The following GTF2B variants were observed in gnomAD, a reference collection of about 807,000 sequenced individuals.
GTF2B encodes the protein general transcription factor IIB.
GTF2B carries 20 observed loss-of-function variants against 34.6 expected under a neutral mutation model. The ratio of observed to expected loss-of-function variants is 0.58; its 90% confidence interval spans 0.41 to 0.84. The LOEUF is 0.84. GTF2B is among the 40% of genes least tolerant of loss of function. The probability of loss-of-function intolerance (pLI) is 0.00; values close to 1 mark genes in which losing one functional copy is unlikely to be tolerated. For missense variants in GTF2B, 237 were observed against 393.3 expected (o/e 0.60, Z 3.36); for synonymous variants, 142 against 132.4 (o/e 1.07, Z -0.50).
At chr1:88,871,659 A>C (rs1439705737) in intron 2 of GTF2B, among the ~76,000 whole-genome samples, 1 of 152,244 alleles carries the variant, frequency 6.6e-6, no homozygotes, top group African/African-American at 2.4e-5. Context: ...CCAAGTGACA[A>C]TTAACAAAGA....
rs377030804 is a variant in GTF2B at position 88,856,272 on chromosome 1, C to CAAAAAAAAAAAAAAAAAAAAAA, written c.817+933_817+934insTTTTTTTTTTTTTTTTTTTTTT. ...CAACAGAGGGAGACTGTTTCAAAAA[C>CAAAAAAAAAAAAAAAAAAAAAA]AAAAAAAAAAAAAAAAAACAAAAAA... On this transcript the variant is annotated intron_variant, in intron 6 of 6. Coordinates refer to ENST00000370500, the MANE Select transcript of GTF2B (RefSeq NM_001514.6). Among the ~76,000 whole-genome samples the CAAAAAAAAAAAAAAAAAAAAAA allele has an allele frequency of 4.0e-5, 2 of 50,040 alleles. 1 individual carries two copies. The highest frequency in any genetic ancestry group is 6.7e-5 in the Non-Finnish European group (2 of 29,822). The allele number at this position is 50,040 out of a possible 152,430, so 32.8% of individuals were successfully genotyped here.
At position 88,853,694 on chromosome 1, in the gene GTF2B, C is replaced by T. The variant is rs191400454; in HGVS notation, c.818-348G>A. Among the ~76,000 whole-genome samples, 390 of 152,240 alleles carry T rather than the reference C, an allele frequency of 2.6e-3. 2 individuals are homozygous for T. The highest frequency in any genetic ancestry group is 9.1e-3 in the African/African-American group (377 of 41,540). ...TGGCATGCGCCTGTAGTCCCAGCTACTCAGGAGGCTGAGGCAGGAGAATCG... is the reference window on the plus strand; with the variant it reads ...TGGCATGCGCCTGTAGTCCCAGCTATTCAGGAGGCTGAGGCAGGAGAATCG... On this transcript the variant is annotated intron_variant, in intron 6 of 6. Coordinates refer to ENST00000370500, the MANE Select transcript of GTF2B (RefSeq NM_001514.6).
chr1:88,863,876 C>A (rs1673494096), intron 3 of GTF2B, 105 bp downstream of exon 3: 4 of 939,382 alleles, frequency 4.3e-6, no homozygotes, highest in South Asian at 3.0e-5. Context: ...TTAGACAGGT[C>A]AAGATTCCCC....
intron 2 of GTF2B, among the ~76,000 whole-genome samples, chr1:88,886,455 T>G (rs1674070350): frequency 6.6e-6 from 1 of 152,246 alleles, no homozygotes. Context: ...AAACTTTAAG[T>G]GTTATTTTTG....
intron 6 of GTF2B, among the ~76,000 whole-genome samples, chr1:88,856,130 C>T (rs993631969): frequency 1.2e-4 from 18 of 151,682 alleles, no homozygotes; most frequent in Middle Eastern, 3.2e-3. Context: ...ATTAGCTGGG[C>T]GTGGTGGCAC....
intron 1 of GTF2B, among the ~76,000 whole-genome samples, chr1:88,889,739 C>T (rs1268426988): frequency 6.6e-6 from 1 of 152,176 alleles, no homozygotes; most frequent in Non-Finnish European, 1.5e-5. Context: ...TATATTTAGG[C>T]TGGGCGCAGT....
chr1:88,882,821 TCTC>T (rs1393405886), intron 2 of GTF2B, among the ~76,000 whole-genome samples: 1 of 152,216 alleles, frequency 6.6e-6, no homozygotes, highest in East Asian at 1.9e-4. Context: ...ATTACATTCT[TCTC>T]CTGATAATGG....
chr1:88,885,451 C>A (rs1256658828), intron 2 of GTF2B, among the ~76,000 whole-genome samples: 3 of 138,852 alleles, frequency 2.2e-5, no homozygotes, highest in East Asian at 2.1e-4. Flanking sequence ...AACTCTGTAT[C>A]AAAAAAAAAA....
chr1:88,868,532 T>A (rs1570725306), intron 2 of GTF2B, among the ~76,000 whole-genome samples: 3 of 152,240 alleles, frequency 2.0e-5, no homozygotes, highest in Admixed American at 2.0e-4. Flanking sequence ...AATCCATATA[T>A]TAGAGTGGTG....
intron 6 of GTF2B, among the ~76,000 whole-genome samples, chr1:88,855,712 T>G (rs1157065584): frequency 6.6e-6 from 1 of 152,108 alleles, no homozygotes; most frequent in Non-Finnish European, 1.5e-5. Context: ...TGGAGGGCAG[T>G]GGCATGATCT....
chr1:88,882,021 A>G (rs867244228), intron 2 of GTF2B, among the ~76,000 whole-genome samples: 8 of 152,096 alleles, frequency 5.3e-5, no homozygotes, highest in Non-Finnish European at 8.8e-5. Context: ...TACATTATTT[A>G]AAAATGGGCC....
In GTF2B at chr1:88,857,237, T is replaced by C; in HGVS notation, c.786A>G (p.Ser262=). Residue 262 remains serine (S), a synonymous_variant, in exon 6 of 7, where the codon TCA becomes TCG. Coordinates refer to ENST00000370500, the MANE Select transcript of GTF2B (RefSeq NM_001514.6). ...GGGTCCTCTTTTCAGCTGATGCCTG[T>C]GAGGCCATGTAAATAGCTGCCGCTG... is the stretch of plus-strand genomic sequence containing the variant. The part of the protein sequence containing the change: ...SVAAAAIYMA[S]QASAEKRTQK... The C allele has an allele frequency of 1.2e-6, 2 of 1,614,024 alleles. No homozygotes were observed. Among genetic ancestry groups the C allele is most frequent in the Non-Finnish European group, 1.7e-6 (2 of 1,179,950 alleles).
chr1:88,866,397 A>C (rs1288435715), intron 2 of GTF2B, among the ~76,000 whole-genome samples: 1 of 152,112 alleles, frequency 6.6e-6, no homozygotes, highest in African/African-American at 2.4e-5. Flanking sequence ...AGCCTCTGAC[A>C]AAATTTTTCT....
chr1:88,871,053 C>T (rs566931159), intron 2 of GTF2B, among the ~76,000 whole-genome samples: 2 of 152,162 alleles, frequency 1.3e-5, no homozygotes, highest in African/African-American at 4.8e-5. Context: ...AGGCGTGTGC[C>T]ACCACGCCTG....
chr1:88,879,479 G>A (rs959002035), intron 2 of GTF2B, among the ~76,000 whole-genome samples: 4 of 151,704 alleles, frequency 2.6e-5, no homozygotes, highest in Non-Finnish European at 5.9e-5. Flanking sequence ...ACTCAGGCAG[G>A]AGGCTGAGGC....
intron 2 of GTF2B, among the ~76,000 whole-genome samples, chr1:88,876,857 T>C (rs1673829266): frequency 6.6e-6 from 1 of 152,192 alleles, no homozygotes; most frequent in Non-Finnish European, 1.5e-5. Flanking sequence ...GTAACTATAG[T>C]TACACAGCTT....
chr1:88,889,398 A>C (rs1674149356), intron 1 of GTF2B, among the ~76,000 whole-genome samples: 2 of 152,352 alleles, frequency 1.3e-5, no homozygotes, highest in South Asian at 4.1e-4. Flanking sequence ...AGAAACCACC[A>C]CCACTGACAT....
chr1:88,891,405 G>T (rs1308263757), intron 1 of GTF2B, 78 bp downstream of exon 1: 1 of 1,142,738 alleles, frequency 8.8e-7, no homozygotes, highest in African/African-American at 1.5e-5. Flanking sequence ...GCCCTACGAG[G>T]CTGCCCGGAG....
intron 2 of GTF2B, among the ~76,000 whole-genome samples, chr1:88,864,353 G>C (rs1029444974): frequency 6.6e-6 from 1 of 152,150 alleles, no homozygotes; most frequent in Non-Finnish European, 1.5e-5. Flanking sequence ...GGAAGAAAAA[G>C]TATTAGTCAA....
Sources: gnomAD v4.1 joint callset for allele counts (sites outside exome capture counted in the v4.1 genomes callset) on GRCh38, gnomAD v4.1.1 for gene constraint, MANE v1.5 for transcripts, NCBI Gene and HGNC (gene_info 2026-07-23, HGNC 2026-07-21) for gene names.